FGD3: variants seen among roughly 807,000 people sequenced by gnomAD.
FGD3 encodes the protein FYVE, RhoGEF and PH domain-containing protein 3.
Under a neutral mutation model 71.8 loss-of-function variants are expected in FGD3, and 45 were observed. The observed-to-expected ratio is 0.63, with a 90% confidence interval of 0.49 to 0.80. FGD3 has a LOEUF of 0.80. FGD3 is among the 30% of genes least tolerant of loss of function. The pLI is 0.00. For synonymous variants in FGD3, 378 were observed against 392.8 expected (o/e 0.96, Z 0.44); for missense variants, 844 against 951.5 (o/e 0.89, Z 1.49).
chr9:93,027,255 C>T (rs1198612617), intron 14 of FGD3, among the ~76,000 whole-genome samples: 2 of 152,192 alleles, frequency 1.3e-5, no homozygotes, highest in Non-Finnish European at 2.9e-5. Flanking sequence ...AACCAGGCCA[C>T]ACAGCTGGAA....
At chr9:92,950,304 C>CT (rs201511956) in intron 1 of FGD3, among the ~76,000 whole-genome samples, 3,197 of 151,948 alleles carry the variant, frequency 0.021, 96 homozygotes, top group African/African-American at 0.071. Flanking sequence ...GTAGTCCCAG[C>CT]TACTCAGGAG....
intron 1 of FGD3, among the ~76,000 whole-genome samples, chr9:92,960,787 C>A (rs1021194718): frequency 2.0e-5 from 3 of 152,106 alleles, no homozygotes; most frequent in African/African-American, 7.2e-5. Flanking sequence ...AGAAATTAGG[C>A]CAGGGGCTGC....
At chr9:93,029,750 T>A (rs1862283047) in intron 14 of FGD3, 124 bp from the exon 15 acceptor site, 1 of 1,305,786 alleles carries the variant, frequency 7.7e-7, no homozygotes, top group Non-Finnish European at 1.0e-6. Flanking sequence ...CCCTTCTGCA[T>A]GTTCCACTTT....
At chr9:93,028,188 C>T (rs1175757135) in intron 14 of FGD3, among the ~76,000 whole-genome samples, 1 of 139,938 alleles carries the variant, frequency 7.1e-6, no homozygotes, top group Non-Finnish European at 1.5e-5. Context: ...CCCCTCAGCC[C>T]CTAGCCCCGA....
intron 3 of FGD3, among the ~76,000 whole-genome samples, chr9:92,996,963 G>T (rs1433105594): frequency 1.3e-5 from 2 of 152,146 alleles, no homozygotes; most frequent in Non-Finnish European, 2.9e-5. Flanking sequence ...GTTGATCTGG[G>T]GTGTAGAGTT....
chr9:93,028,254 A>G (rs1322052529), intron 14 of FGD3, among the ~76,000 whole-genome samples: 1 of 150,452 alleles, frequency 6.6e-6, no homozygotes, highest in African/African-American at 2.5e-5. Context: ...TTTCTGTAAT[A>G]TTTTAAAGCA....
intron 13 of FGD3, chr9:93,020,667 G>C: frequency 2.1e-6 from 1 of 479,032 alleles, no homozygotes; most frequent in Non-Finnish European, 3.8e-6. Context: ...CAACCCCTGA[G>C]ACCAGAATAG....
At chr9:92,973,191 C>T (rs965236355) in intron 1 of FGD3, among the ~76,000 whole-genome samples, 2 of 145,938 alleles carry the variant, frequency 1.4e-5, no homozygotes, top group Non-Finnish European at 3.0e-5. Flanking sequence ...TTCAGCTCAC[C>T]GCAACATCCG....
At chr9:93,010,759 C>T (rs970067622) in intron 7 of FGD3, among the ~76,000 whole-genome samples, 12 of 150,642 alleles carry the variant, frequency 8.0e-5, no homozygotes, top group African/African-American at 2.7e-4. Context: ...AAGTGAGCCC[C>T]CTAGCAGCCC....
chr9:93,008,825 G>C (rs1470333018), intron 6 of FGD3, among the ~76,000 whole-genome samples: 1 of 152,042 alleles, frequency 6.6e-6, no homozygotes, highest in African/African-American at 2.4e-5. Flanking sequence ...TTAGCTGGGT[G>C]TGGTGGCACA....
At chr9:92,994,494 G>A (rs887848366) in intron 3 of FGD3, among the ~76,000 whole-genome samples, 2 of 152,088 alleles carry the variant, frequency 1.3e-5, no homozygotes, top group African/African-American at 4.8e-5. Flanking sequence ...TGTCAATTTT[G>A]GCTTTTGTTG....
chr9:92,996,156 CCT>C (rs1323596699), intron 3 of FGD3, among the ~76,000 whole-genome samples: 1 of 152,002 alleles, frequency 6.6e-6, no homozygotes, highest in Non-Finnish European at 1.5e-5. Context: ...AATTTCAGAA[CCT>C]GTTATTGGTC....
chr9:92,981,618 G>A (rs1273058334), intron 3 of FGD3, among the ~76,000 whole-genome samples: 1 of 151,966 alleles, frequency 6.6e-6, no homozygotes, highest in Non-Finnish European at 1.5e-5. Flanking sequence ...TATTTTATTG[G>A]TTTATTGAAA....
At chr9:92,979,955 T>TC (rs914895991) in intron 3 of FGD3, among the ~76,000 whole-genome samples, 28 of 139,758 alleles carry the variant, frequency 2.0e-4, no homozygotes, top group African/African-American at 7.1e-4. Context: ...TCTCTCTCTC[T>TC]TTTTTTTTTT....
intron 1 of FGD3, among the ~76,000 whole-genome samples, chr9:92,956,834 CTTTCTTTT>C (rs1231181603): frequency 3.9e-5 from 5 of 127,748 alleles, no homozygotes; most frequent in Non-Finnish European, 6.4e-5. Context: ...TAATTGCTTT[CTTTCTTTT>C]TTTTTTTTTT....
chr9:92,957,207 G>A (rs1859070509), intron 1 of FGD3, among the ~76,000 whole-genome samples: 1 of 152,200 alleles, frequency 6.6e-6, no homozygotes, highest in Non-Finnish European at 1.5e-5. Flanking sequence ...TTCCTCTTGG[G>A]TAGATACCTA....
At position 93,035,586 on chromosome 9, in the gene FGD3, G is replaced by A. The variant is rs374534280; in HGVS notation, c.2175G>A (p.Pro725=). 27 of 1,584,672 alleles carry A rather than the reference G, an allele frequency of 1.7e-5. No individual in the cohort carries two copies. The African/African-American group carries it at 2.1e-4, about 13-fold the overall frequency. Residue 725 remains proline, a synonymous_variant, in exon 18 of 18, where the codon CCG becomes CCA. Transcript: ENST00000375482. ...QLQVPMGAAA[P] ...AGGTCCCTATGGGCGCAGCTGCTCC[G>A]TGAGCTGAGTCTCCCACTGCCCTGC...
chr9:92,947,682 G>A lies in FGD3; in HGVS notation c.-265G>A, dbSNP rs1295614402. On this transcript the variant is annotated 5_prime_UTR_variant, in exon 1 of 18. Transcript: ENST00000375482. ...CCTGTGCGGAGCTGGGGGAGCCTCC[G>A]GCTTTCCTGTTTGCTTTGTTAATTA... 5 of 152,242 alleles carry A rather than the reference G, an allele frequency of 3.3e-5. No homozygotes were observed. Among genetic ancestry groups the A allele is most frequent in the African/African-American group, 1.2e-4 (5 of 41,448 alleles). The allele number at this position is 152,242 out of a possible 1,614,324, so 9.4% of individuals were successfully genotyped here.
intron 14 of FGD3, among the ~76,000 whole-genome samples, chr9:93,027,699 A>T (rs1053582542): frequency 1.4e-5 from 2 of 141,852 alleles, no homozygotes; most frequent in South Asian, 2.2e-4. Flanking sequence ...AGTTCAGTTC[A>T]TCTTTTTCTT....
Sources: allele counts gnomAD v4.1 joint callset (sites outside exome capture counted in the v4.1 genomes callset), GRCh38; gene constraint gnomAD v4.1.1; transcripts MANE v1.5; gene names NCBI Gene and HGNC (gene_info 2026-07-23, HGNC 2026-07-21).